The following FUT9 variants were observed in gnomAD, a reference collection of about 807,000 sequenced individuals.
The protein encoded by FUT9 is 4-galactosyl-N-acetylglucosaminide 3-alpha-L-fucosyltransferase 9.
A neutral mutation model predicts 29.7 loss-of-function variants in FUT9; 15 were observed. That is an observed-to-expected ratio of 0.51 (90% CI 0.34 to 0.78). FUT9 has a LOEUF of 0.78. Ranked by LOEUF, FUT9 falls within the 30% of genes least tolerant of loss-of-function variation. FUT9 has a pLI of 0.01. For missense variants in FUT9, 319 were observed against 425.4 expected (o/e 0.75, Z 2.20); for synonymous variants, 169 against 153.7 (o/e 1.10, Z -0.74).
chr6:96,031,481 C>T (rs1770260006), intron 1 of FUT9, among the ~76,000 whole-genome samples: 1 of 151,394 alleles, frequency 6.6e-6, no homozygotes, highest in Admixed American at 6.6e-5. Context: ...ACTGGGATAA[C>T]TTACCTTTAA....
intron 1 of FUT9, among the ~76,000 whole-genome samples, chr6:96,044,586 T>A (rs1173193359): frequency 6.6e-6 from 1 of 152,214 alleles, no homozygotes; most frequent in Non-Finnish European, 1.5e-5. Context: ...AGCAAACCAG[T>A]AATAATTGAA....
At chr6:96,166,085 A>G (rs770253695) in intron 2 of FUT9, among the ~76,000 whole-genome samples, 2 of 152,214 alleles carry the variant, frequency 1.3e-5, no homozygotes, top group Non-Finnish European at 2.9e-5. Context: ...AATCTAAAAT[A>G]AAAGTAAAAA....
Position 96,028,330 on chromosome 6 carries a change from C to T in FUT9, c.-98+12118C>T, listed in dbSNP as rs146523627. Among the ~76,000 whole-genome samples the T allele has an allele frequency of 4.6e-4, 69 of 151,362 alleles. No homozygotes were observed. The Middle Eastern group carries it at 0.021, about 45-fold the overall frequency. On this transcript the variant is annotated intron_variant, in intron 1 of 2. Coordinates refer to ENST00000302103, the MANE Select transcript of FUT9 (RefSeq NM_006581.4). ...TTACCTGTTTATTGAGTTAACTGTT[C>T]GACTGGTACAAAATCACTGTGGTTT...
intron 1 of FUT9, among the ~76,000 whole-genome samples, chr6:96,053,169 A>T (rs1442531046): frequency 6.6e-6 from 1 of 152,208 alleles, no homozygotes; most frequent in Non-Finnish European, 1.5e-5. Context: ...AAATAATTTT[A>T]TACTTATTCT....
chr6:96,095,307 C>T (rs1333743838), intron 1 of FUT9, among the ~76,000 whole-genome samples: 2 of 152,060 alleles, frequency 1.3e-5, no homozygotes, highest in Non-Finnish European at 2.9e-5. Context: ...TATCTAATTT[C>T]CCTCCAGTTC....
chr6:96,122,093 G>A (rs973548292), intron 2 of FUT9, among the ~76,000 whole-genome samples: 4 of 152,138 alleles, frequency 2.6e-5, no homozygotes, highest in Admixed American at 1.3e-4. Flanking sequence ...ACTTTGCTAT[G>A]ATATAACAGC....
chr6:96,180,331 T>C (rs187432672), intron 2 of FUT9, among the ~76,000 whole-genome samples: 1 of 152,062 alleles, frequency 6.6e-6, no homozygotes. Context: ...GTTGGGGATG[T>C]TGCCCAAAAG....
rs1773825223 is a variant in FUT9, at chr6:96,206,138, G to A, written c.*1903G>A. ...CCGAATGACGTTTGTATGGGTCAAT[G>A]CTGATTTAATGGGGAAAAAAAGTAG... On this transcript the variant is annotated 3_prime_UTR_variant, in exon 3 of 3. Coordinates refer to ENST00000302103, the MANE Select transcript of FUT9 (RefSeq NM_006581.4). The A allele has an allele frequency of 6.0e-6, 1 of 167,026 alleles. No homozygotes were observed. The highest frequency in any genetic ancestry group is 1.5e-5 in the Non-Finnish European group (1 of 68,116). 10.3% of individuals were successfully genotyped at this position (167,026 alleles called of 1,614,324 possible).
chr6:96,185,046 G>A (rs1368223700), intron 2 of FUT9, among the ~76,000 whole-genome samples: 2 of 151,928 alleles, frequency 1.3e-5, no homozygotes, highest in African/African-American at 4.8e-5. Context: ...GATTAGACCA[G>A]GCCACCAACC....
chr6:96,212,420 T>A lies in FUT9; in HGVS notation c.*8185T>A. The A allele has an allele frequency of 2.4e-6, 1 of 412,064 alleles. No homozygotes were observed. The highest frequency in any genetic ancestry group is 4.4e-6 in the Non-Finnish European group (1 of 225,116). 25.5% of individuals were successfully genotyped at this position (412,064 alleles called of 1,614,324 possible). A position where few individuals can be genotyped will look rare whatever the true frequency, so the allele number is the denominator to read the frequency against. ...CTGATTGTCTATGTAAACCTGGAAG[T>A]AGTCTACTTTTTAGATAAAAGATAA... is the stretch of plus-strand genomic sequence containing the variant. On this transcript the variant is annotated 3_prime_UTR_variant, in exon 3 of 3. Coordinates refer to ENST00000302103, the MANE Select transcript of FUT9 (RefSeq NM_006581.4).
intron 2 of FUT9, among the ~76,000 whole-genome samples, chr6:96,153,447 G>A (rs561684262): frequency 6.6e-6 from 1 of 152,272 alleles, no homozygotes; most frequent in Admixed American, 6.5e-5. Context: ...AAGTGTGCAG[G>A]ATTCTCTTGA....
chr6:96,034,751 C>G (rs965521101), intron 1 of FUT9, among the ~76,000 whole-genome samples: 1 of 151,652 alleles, frequency 6.6e-6, no homozygotes, highest in East Asian at 1.9e-4. Context: ...CAAACTTATC[C>G]CTGCAAGACC....
chr6:96,157,773 T>C (rs985860657), intron 2 of FUT9, among the ~76,000 whole-genome samples: 1 of 152,164 alleles, frequency 6.6e-6, no homozygotes, highest in African/African-American at 2.4e-5. Flanking sequence ...TGAATCAATA[T>C]CATATTAATA....
intron 2 of FUT9, among the ~76,000 whole-genome samples, chr6:96,189,675 T>C (rs4376355): frequency 0.91 from 138,456 of 151,758 alleles, 64,512 homozygotes; most frequent in Non-Finnish European, 1. Context: ...CTTCTTTGTC[T>C]CTTTTGATCT....
chr6:96,196,572 C>T (rs953781796), intron 2 of FUT9, among the ~76,000 whole-genome samples: 6 of 151,878 alleles, frequency 4.0e-5, no homozygotes, highest in East Asian at 1.9e-4. Flanking sequence ...ATTAGCTGGT[C>T]GTGGTGGTGT....
intron 2 of FUT9, among the ~76,000 whole-genome samples, chr6:96,172,458 T>C (rs1389646448): frequency 6.6e-6 from 1 of 152,186 alleles, no homozygotes; most frequent in Admixed American, 6.5e-5. Flanking sequence ...TTCAGGTGAT[T>C]GTTGTTACAT....
chr6:96,116,800 G>A (rs1169677333), intron 2 of FUT9, among the ~76,000 whole-genome samples: 1 of 152,094 alleles, frequency 6.6e-6, no homozygotes, highest in African/African-American at 2.4e-5. Flanking sequence ...TTGAGTTGGA[G>A]TTATAAGAGG....
At chr6:96,123,834 A>G (rs746294970) in intron 2 of FUT9, among the ~76,000 whole-genome samples, 2 of 151,950 alleles carry the variant, frequency 1.3e-5, no homozygotes, top group Admixed American at 6.6e-5. Context: ...AGAGGAAATG[A>G]TGGAAAATGC....
At chr6:96,069,085 G>A (rs13200732) in intron 1 of FUT9, among the ~76,000 whole-genome samples, 1 of 152,198 alleles carries the variant, frequency 6.6e-6, no homozygotes. Context: ...GGGAGGCCGA[G>A]GCTGGCGGAT....
Sources: gnomAD v4.1 joint callset for allele counts (sites outside exome capture counted in the v4.1 genomes callset) on GRCh38, gnomAD v4.1.1 for gene constraint, MANE v1.5 for transcripts, NCBI Gene and HGNC (gene_info 2026-07-23, HGNC 2026-07-21) for gene names.